Variants in CFAP47 observed in about 807,000 individuals in gnomAD.
CFAP47 encodes cilia and flagella associated protein 47, also known as cilia- and flagella-associated protein 47.
Under a neutral mutation model 148.1 loss-of-function variants are expected in CFAP47, and 29 were observed. The ratio of observed to expected loss-of-function variants is 0.20; its 90% CI spans 0.15 to 0.27. The LOEUF (loss-of-function observed/expected upper bound fraction) is 0.27, where lower values mean the gene tolerates loss of function less well. CFAP47 is among the 10% of genes least tolerant of loss of function. The pLI, the probability that CFAP47 is intolerant of heterozygous loss-of-function variation, is 1.00. For missense variants in CFAP47, 1,872 were observed against 1,697.5 expected, an observed-to-expected ratio of 1.10 and a Z score of -1.81; for synonymous variants, 664 against 577.3, an observed-to-expected ratio of 1.15 and a Z score of -2.15.
At chrX:36,298,438 T>C (rs1171064717) in intron 51 of CFAP47, among the ~76,000 whole-genome samples, 24 of 100,316 alleles carry the variant, frequency 2.4e-4, no homozygotes, top group African/African-American at 3.3e-4. Context: ...AGGGATAGCA[T>C]TGGGAAATAT....
chrX:36,172,726 G>T (rs189719424), intron 39 of CFAP47, among the ~76,000 whole-genome samples: 1 of 111,495 alleles, frequency 9.0e-6, no homozygotes. Flanking sequence ...GAATTTTGCA[G>T]CAATATTCAT....
intron 11 of CFAP47, 73 bp from the exon 12 acceptor site, chrX:35,971,513 G>A (rs1936489868): frequency 2.9e-6 from 2 of 691,042 alleles, no homozygotes; most frequent in Admixed American, 4.1e-5. Context: ...TATGGGAAAG[G>A]CTTGAATTTA....
intron 28 of CFAP47, among the ~76,000 whole-genome samples, chrX:36,072,180 C>T (rs1381781245): frequency 2.7e-5 from 3 of 112,243 alleles, no homozygotes; most frequent in East Asian, 5.6e-4. Flanking sequence ...TGGTTCACAG[C>T]ACTCTTACTG....
chrX:36,233,277 G>T (rs1210045061), intron 46 of CFAP47, among the ~76,000 whole-genome samples: 14 of 111,315 alleles, frequency 1.3e-4, no homozygotes, highest in Non-Finnish European at 1.5e-4. Flanking sequence ...ACTCAGGACT[G>T]GCTTTATGAA....
chrX:36,378,914 C>T (rs1399418736), intron 62 of CFAP47, among the ~76,000 whole-genome samples: 4 of 111,106 alleles, frequency 3.6e-5, no homozygotes, highest in Admixed American at 1.9e-4. Context: ...CAGGTTCAAG[C>T]GATTCTCCTG....
chrX:35,980,261 AC>A (rs1936624425), intron 15 of CFAP47, among the ~76,000 whole-genome samples: 1 of 111,917 alleles, frequency 8.9e-6, no homozygotes, highest in Non-Finnish European at 1.9e-5. Flanking sequence ...CCCCTGATAT[AC>A]TTAATATTCC....
intron 45 of CFAP47, among the ~76,000 whole-genome samples, chrX:36,212,228 T>C (rs2146889721): frequency 8.9e-6 from 1 of 112,586 alleles, no homozygotes; most frequent in Non-Finnish European, 1.9e-5. Context: ...ATAGTTTATT[T>C]CTGTATTCTT....
intron 51 of CFAP47, among the ~76,000 whole-genome samples, chrX:36,298,321 A>G (rs1405561036): frequency 9.7e-6 from 1 of 102,588 alleles, no homozygotes; most frequent in Non-Finnish European, 2.0e-5. Flanking sequence ...AAAAAACCAA[A>G]CACCGCATGT....
At chrX:36,371,218 A>AT (rs1941929590) in intron 62 of CFAP47, among the ~76,000 whole-genome samples, 1 of 111,222 alleles carries the variant, frequency 9.0e-6, no homozygotes, top group Non-Finnish European at 1.9e-5. Context: ...ACATTTAAAA[A>AT]TTGTTTTTAT....
intron 38 of CFAP47, 116 bp from the exon 39 acceptor site, chrX:36,160,565 T>C: frequency 3.7e-6 from 1 of 268,453 alleles, no homozygotes; most frequent in Non-Finnish European, 6.6e-6. Flanking sequence ...TAGTGGGAAG[T>C]ACTGTCAGTG....
chrX:36,166,478 T>C (rs901493041), intron 39 of CFAP47, among the ~76,000 whole-genome samples: 1 of 111,524 alleles, frequency 9.0e-6, no homozygotes, highest in Non-Finnish European at 1.9e-5. Flanking sequence ...TTTGTTGATA[T>C]TCTCTATTTG....
At chrX:35,973,568 T>C (rs1936526361) in intron 13 of CFAP47, among the ~76,000 whole-genome samples, 1 of 111,218 alleles carries the variant, frequency 9.0e-6, no homozygotes, top group African/African-American at 3.3e-5. Flanking sequence ...TGTAGCATAA[T>C]GTAGATATGC....
Position 36,151,359 on chromosome X carries a change from C to T in CFAP47, c.5786+2136C>T, listed in dbSNP as rs190223708. 4.5e-5 allele frequency among the ~76,000 whole-genome samples: 5 copies of T among 111,644 alleles called. No individual in the cohort carries two copies. The Admixed American group carries it at 4.8e-4, about 11-fold the overall frequency. On this transcript the variant is annotated intron_variant, in intron 37 of 63. Transcript: ENST00000378653. ...TAACATATGCATACTTATGTATTTA[C>T]ATAATACAGGCATTATATGTAAATA...
At chrX:36,234,444 A>G (rs1940422727) in intron 46 of CFAP47, among the ~76,000 whole-genome samples, 2 of 111,717 alleles carry the variant, frequency 1.8e-5, no homozygotes, top group South Asian at 3.7e-4. Context: ...CGTAGTTCTC[A>G]AGCCTTGGCT....
At chrX:36,015,910 A>G (rs1007861332) in intron 22 of CFAP47, among the ~76,000 whole-genome samples, 1 of 111,821 alleles carries the variant, frequency 8.9e-6, no homozygotes, top group Non-Finnish European at 1.9e-5. Flanking sequence ...TTTTTGTTCT[A>G]TACATCCCTT....
At chrX:36,347,583 C>T (rs1243531013) in intron 57 of CFAP47, among the ~76,000 whole-genome samples, 3 of 111,849 alleles carry the variant, frequency 2.7e-5, no homozygotes, top group East Asian at 2.8e-4. Context: ...ATATACACCA[C>T]GGAATGCTAT....
At chrX:36,134,965 TATA>T (rs1415670069) in intron 33 of CFAP47, among the ~76,000 whole-genome samples, 4 of 111,172 alleles carry the variant, frequency 3.6e-5, no homozygotes, top group Non-Finnish European at 7.6e-5. Context: ...AAAAAAGACA[TATA>T]TAAGTTGCCC....
chrX:36,114,580 C>T (rs1394510109), intron 33 of CFAP47, among the ~76,000 whole-genome samples: 1 of 111,375 alleles, frequency 9.0e-6, no homozygotes, highest in East Asian at 2.8e-4. Flanking sequence ...AAGGTGGATT[C>T]AGCTGATTGG....
At position 35,949,545 on chromosome X, in the gene CFAP47, T is replaced by C. The variant is rs1371466146; in HGVS notation, c.656+1093T>C. Among the ~76,000 whole-genome samples, 3 of 111,611 alleles carry C rather than the reference T, an allele frequency of 2.7e-5. No homozygotes were observed. The Admixed American group carries it at 2.9e-4, about 11-fold the overall frequency. The stretch of plus-strand genomic sequence containing the variant: ...GGTGACTGATTGTAGCAAAGGAAGA[T>C]AAAAGGTGGAACAGGGTTATGGGAG... On this transcript the variant is annotated intron_variant, in intron 4 of 63. Coordinates refer to ENST00000378653, the MANE Select transcript of CFAP47 (RefSeq NM_001304548.2).
Sources: allele counts gnomAD v4.1 joint callset (sites outside exome capture counted in the v4.1 genomes callset), GRCh38; gene constraint gnomAD v4.1.1; transcripts MANE v1.5; gene names NCBI Gene and HGNC (gene_info 2026-07-23, HGNC 2026-07-21).